CTSC: variants seen among roughly 807,000 people sequenced by gnomAD.
CTSC encodes dipeptidyl peptidase 1.
In CTSC, 37 loss-of-function variants were observed where a neutral mutation model predicts 40.9. The observed-to-expected ratio is 0.91, with a 90% CI of 0.70 to 1.19. CTSC has a LOEUF of 1.19. CTSC is among the 50% of genes most tolerant of loss of function. The probability of loss-of-function intolerance (pLI) is 0.00; values close to 1 mark genes in which losing one functional copy is unlikely to be tolerated. For synonymous variants in CTSC, 232 were observed against 207.4 expected (o/e 1.12, Z -1.02); for missense variants, 594 against 567.3 (o/e 1.05, Z -0.48).
intron 5 of CTSC, 139 bp downstream of exon 5, chr11:88,300,391 T>C: frequency 1.5e-6 from 1 of 653,518 alleles, no homozygotes; most frequent in Non-Finnish European, 2.8e-6. Context: ...GAATAATTCA[T>C]AGGCCACCTA....
intron 6 of CTSC, among the ~76,000 whole-genome samples, chr11:88,295,122 T>G (rs1354729813): frequency 6.6e-6 from 1 of 152,218 alleles, no homozygotes; most frequent in Non-Finnish European, 1.5e-5. Context: ...GTAAGCTTCA[T>G]GAGGATAAAG....
intron 6 of CTSC, among the ~76,000 whole-genome samples, chr11:88,294,963 TCTTTTCCCTGA>T (rs1168039445): frequency 6.6e-6 from 1 of 152,246 alleles, no homozygotes; most frequent in Non-Finnish European, 1.5e-5. Flanking sequence ...CTCAAGCAAG[TCTTTTCCCTGA>T]CAACCTCTTG....
At chr11:88,333,944 T>C (rs752179692) in intron 2 of CTSC, among the ~76,000 whole-genome samples, 19 of 152,216 alleles carry the variant, frequency 1.2e-4, no homozygotes, top group African/African-American at 3.1e-4. Context: ...CTGGGAGTTA[T>C]TATTCTAAAA....
In CTSC at chr11:88,337,571, G is replaced by T. The variant is rs1382385256; in HGVS notation, c.102C>A (p.Asp34Glu). The T allele has an allele frequency of 6.3e-7, 1 of 1,576,256 alleles. No homozygotes were observed. The highest frequency in any genetic ancestry group is 8.6e-7 in the Non-Finnish European group (1 of 1,160,158). The change falls in exon 1 of 7, where the codon GAC becomes GAA. Residue 34 changes from aspartate to glutamate, a missense_variant. By Grantham distance (45) the Asp-to-Glu change is conservative (BLOSUM62 2). Coordinates refer to ENST00000227266, the MANE Select transcript of CTSC (RefSeq NM_001814.6). ...CDTPANCTYL[D>E]LLGTWVFQVG... ...CCTGGAAGACCCAGGTGCCCAGCAG[G>T]TCAAGATAGGTGCAGTTGGCAGGTG...
At chr11:88,309,104 A>T (rs957496607) in intron 4 of CTSC, 59 bp downstream of exon 4, 8 of 1,484,732 alleles carry the variant, frequency 5.4e-6, no homozygotes, top group Non-Finnish European at 6.6e-6. Context: ...ACTGCTTAGG[A>T]GGGAGGATGG....
Position 88,337,512 on chromosome 11 carries a change from C to A in CTSC, c.161G>T (p.Cys54Phe). Residue 54 changes from cysteine to phenylalanine, a missense_variant, in exon 1 of 7, where the codon TGC (cysteine) becomes TTC (phenylalanine). Coordinates refer to ENST00000227266, the MANE Select transcript of CTSC (RefSeq NM_001814.6). ...GSSGSQRDVN[C>F]SVMGPQEKKV... is the part of the protein sequence containing the mutation. ...AGCCGGCGGCTTACCCATAACCGAGCAGTTGACATCGCGCTGGGAACCGCT... is the reference window on the plus strand; with the variant it reads ...AGCCGGCGGCTTACCCATAACCGAGAAGTTGACATCGCGCTGGGAACCGCT... 1 of 1,574,058 alleles carries A rather than the reference C, an allele frequency of 6.4e-7. No homozygotes were observed. Among genetic ancestry groups the A allele is most frequent in the South Asian group, 1.2e-5 (1 of 86,034 alleles).
At chr11:88,332,690 C>T (rs1240128967) in intron 2 of CTSC, among the ~76,000 whole-genome samples, 1 of 152,218 alleles carries the variant, frequency 6.6e-6, no homozygotes, top group Non-Finnish European at 1.5e-5. Flanking sequence ...TAAGACCTAA[C>T]TACTGACCAG....
intron 4 of CTSC, among the ~76,000 whole-genome samples, chr11:88,308,706 C>A (rs1340532575): frequency 6.6e-6 from 1 of 151,862 alleles, no homozygotes; most frequent in Non-Finnish European, 1.5e-5. Context: ...CCCAAGCTGC[C>A]TTTGAAAAAC....
chr11:88,310,107 G>C (rs907384990), intron 3 of CTSC, among the ~76,000 whole-genome samples: 1 of 151,504 alleles, frequency 6.6e-6, no homozygotes, highest in Non-Finnish European at 1.5e-5. Context: ...ACCAATATCA[G>C]TAGCAACACC....
intron 2 of CTSC, chr11:88,321,517 G>C (rs2134799439): frequency 6.6e-6 from 1 of 152,222 alleles, no homozygotes; most frequent in South Asian, 2.1e-4. Context: ...CCACTTATAA[G>C]TGAGAACATG....
At chr11:88,325,023 G>C in intron 2 of CTSC, 4 of 985,216 alleles carry the variant, frequency 4.1e-6, no homozygotes, top group Non-Finnish European at 4.8e-6. Context: ...AAATGCAAGA[G>C]AGGAAAGTCC....
intron 2 of CTSC, chr11:88,328,143 T>C (rs775307166): frequency 1.2e-6 from 2 of 1,613,558 alleles, no homozygotes; most frequent in Non-Finnish European, 1.7e-6. Flanking sequence ...GCAAATCATA[T>C]ATCCCCACAG....
chr11:88,311,963 C>T (rs1280540039), intron 3 of CTSC, among the ~76,000 whole-genome samples: 2 of 152,202 alleles, frequency 1.3e-5, no homozygotes, highest in East Asian at 3.8e-4. Flanking sequence ...CCCTCGCAAA[C>T]CAACAGGCTG....
intron 5 of CTSC, 142 bp from the exon 6 acceptor site, chr11:88,296,406 A>G: frequency 9.9e-7 from 1 of 1,011,384 alleles, no homozygotes; most frequent in Non-Finnish European, 1.5e-6. Context: ...AGAAGACTCA[A>G]CTAACAAGCA....
intron 2 of CTSC, among the ~76,000 whole-genome samples, chr11:88,333,651 C>T (rs1308676424): frequency 1.3e-5 from 2 of 152,192 alleles, no homozygotes; most frequent in Non-Finnish European, 2.9e-5. Context: ...ACCACATATA[C>T]ATTACAATTT....
chr11:88,324,453 A>T (rs897767383), intron 2 of CTSC: 14 of 977,988 alleles, frequency 1.4e-5, no homozygotes, highest in Non-Finnish European at 1.7e-5. Flanking sequence ...GCAGGGAATC[A>T]AAAAAGATGT....
At chr11:88,307,556 C>CTTTTTTT (rs5793311) in intron 4 of CTSC, among the ~76,000 whole-genome samples, 2 of 73,488 alleles carry the variant, frequency 2.7e-5, no homozygotes, top group East Asian at 4.7e-4. Context: ...ATACTGATAA[C>CTTTTTTT]TTTTTTTTTT....
chr11:88,313,307 A>C (rs192255429), intron 2 of CTSC, among the ~76,000 whole-genome samples: 57 of 152,246 alleles, frequency 3.7e-4, no homozygotes, highest in African/African-American at 1.3e-3. Flanking sequence ...CAGACAAGTG[A>C]TCCACCCACC....
intron 5 of CTSC, among the ~76,000 whole-genome samples, chr11:88,300,032 T>C (rs915241387): frequency 6.6e-6 from 1 of 152,190 alleles, no homozygotes; most frequent in African/African-American, 2.4e-5. Context: ...CGTATTCTAA[T>C]GTAAAGTGAA....
Sources: allele counts gnomAD v4.1 joint callset (sites outside exome capture counted in the v4.1 genomes callset), GRCh38; gene constraint gnomAD v4.1.1; transcripts MANE v1.5; gene names NCBI Gene and HGNC (gene_info 2026-07-23, HGNC 2026-07-21).